Variants in B4GALT7 observed in about 807,000 individuals in gnomAD.
B4GALT7 encodes UDP-Gal:beta-GlcNAc beta-1,4-galactosyltransferase 7.
Under a neutral mutation model 33.0 loss-of-function variants are expected in B4GALT7, and 30 were observed. The ratio of observed to expected loss-of-function variants is 0.91; its 90% CI spans 0.68 to 1.23. The LOEUF (loss-of-function observed/expected upper bound fraction) is 1.23. Among genes scored for constraint, B4GALT7 ranks in the 50% most tolerant of loss-of-function variants. The pLI is 0.00. For synonymous variants in B4GALT7, 213 were observed against 187.2 expected (o/e 1.14, Z -1.13); for missense variants, 507 against 450.8 (o/e 1.12, Z -1.13).
rs182898185 is a variant in B4GALT7 at position 177,600,701 on chromosome 5, G to A, written c.50+441G>A. Among the ~76,000 whole-genome samples, 5 of 152,164 alleles carry A rather than the reference G, an allele frequency of 3.3e-5. No individual in the cohort carries two copies. The East Asian group carries it at 9.7e-4, about 29-fold the overall frequency. On this transcript the variant is annotated intron_variant, in intron 1 of 5. Transcript: ENST00000029410. This position sits in a 1 kb window ranked among gnomAD's most constrained non-coding sequence, Gnocchi z 4.4. ...CAATTTGTCTCTGATCCCTGAGGAC[G>A]TGTATTCCGTTTCTCTGGTCTCTGC...
chr5:177,608,962 A>G lies in B4GALT7; in HGVS notation c.776A>G (p.His259Arg). 6.2e-7 allele frequency: 1 copy of G among 1,613,704 alleles called. No individual in the cohort carries two copies. Among genetic ancestry groups the G allele is most frequent in the Non-Finnish European group, 8.5e-7 (1 of 1,180,002 alleles). The change falls in exon 5 of 6, where the codon CAT (histidine) becomes CGT (arginine). Residue 259 changes from histidine (H) to arginine (R), a missense_variant. Coordinates refer to ENST00000029410, the MANE Select transcript of B4GALT7 (RefSeq NM_007255.3). This position sits in a 1 kb window ranked among gnomAD's most constrained non-coding sequence, Gnocchi z 4.1. The stretch of plus-strand genomic sequence containing the variant: ...GGGTACAAGACATTTCGCCACCTGC[A>G]TGACCCAGCCTGGCGGAAGAGGGAC... ...TTGYKTFRHL[H>R]DPAWRKRDQK...
In B4GALT7 at chr5:177,606,867, G is replaced by A. The variant is rs1185178789; in HGVS notation, c.414-435G>A. ...GAGCCCTAGGCACCCACTGCCCTGT[G>A]GGTCATCTCTTCAGGCCTTCAGGTT... On this transcript the variant is annotated intron_variant, in intron 2 of 5. Coordinates refer to ENST00000029410, the MANE Select transcript of B4GALT7 (RefSeq NM_007255.3). This position sits in a 1 kb window ranked among gnomAD's most constrained non-coding sequence, Gnocchi z 4.2. 2.1e-5 allele frequency: 7 copies of A among 335,650 alleles called. No individual in the cohort carries two copies. The highest frequency in any genetic ancestry group is 4.1e-5 in the Non-Finnish European group (7 of 170,106). The allele number at this position is 335,650 out of a possible 1,614,324, so 20.8% of individuals were successfully genotyped here.
chr5:177,603,607 C>CGTCT (rs1767898024), intron 1 of B4GALT7, among the ~76,000 whole-genome samples: 1 of 152,150 alleles, frequency 6.6e-6, no homozygotes, highest in African/African-American at 2.4e-5. Context: ...TCGGGGGGCA[C>CGTCT]GTCTGATCTT....
At position 177,600,314 on chromosome 5, in the gene B4GALT7, C is replaced by A; in HGVS notation, c.50+54C>A. 7.9e-7 allele frequency: 1 copy of A among 1,267,848 alleles called. No individual in the cohort carries two copies. Among genetic ancestry groups the A allele is most frequent in the South Asian group, 2.3e-5 (1 of 44,296 alleles). The allele number at this position is 1,267,848 out of a possible 1,614,324, so 78.5% of individuals were successfully genotyped here. A position where few individuals can be genotyped will look rare whatever the true frequency, so the allele number is the denominator to read the frequency against. On this transcript the variant is annotated intron_variant, in intron 1 of 5. Coordinates refer to ENST00000029410, the MANE Select transcript of B4GALT7 (RefSeq NM_007255.3). This position sits in a 1 kb window ranked among gnomAD's most constrained non-coding sequence, Gnocchi z 4.4. ...GTCCTCCCGGGCGCCGCTCCCTTCT[C>A]GGCCGCCGGCGGAATCTGGGAACCC...
Position 177,600,302 on chromosome 5 carries a change from C to T in B4GALT7, c.50+42C>T. On this transcript the variant is annotated intron_variant, in intron 1 of 5. Coordinates refer to ENST00000029410, the MANE Select transcript of B4GALT7 (RefSeq NM_007255.3). This position sits in a 1 kb window ranked among gnomAD's most constrained non-coding sequence, Gnocchi z 4.4. The stretch of plus-strand genomic sequence containing the variant: ...GGCCCGGGCCCCGTCCTCCCGGGCG[C>T]CGCTCCCTTCTCGGCCGCCGGCGGA... The T allele has an allele frequency of 7.8e-7, 1 of 1,290,228 alleles. No individual in the cohort carries two copies. Among genetic ancestry groups the T allele is most frequent in the Non-Finnish European group, 9.9e-7 (1 of 1,014,700 alleles). 79.9% of individuals were successfully genotyped at this position (1,290,228 alleles called of 1,614,324 possible).
chr5:177,607,089 T>C, intron 2 of B4GALT7: 1 of 620,976 alleles, frequency 1.6e-6, no homozygotes, highest in Non-Finnish European at 2.9e-6. Flanking sequence ...GCCTGGTTTT[T>C]CACTGCTGTA....
intron 3 of B4GALT7, 127 bp downstream of exon 3, chr5:177,607,654 T>C (rs1768055348): frequency 2.1e-6 from 2 of 932,168 alleles, no homozygotes; most frequent in East Asian, 5.3e-5. Flanking sequence ...GCAGGAGAAC[T>C]TGGGAGCAGC....
chr5:177,607,066 C>T (rs1183526609), intron 2 of B4GALT7: 1 of 597,670 alleles, frequency 1.7e-6, no homozygotes, highest in Non-Finnish European at 3.0e-6. Flanking sequence ...AATCTCAGTT[C>T]CTTGAGAACA....
chr5:177,603,897 G>A (rs2127511214), intron 1 of B4GALT7, among the ~76,000 whole-genome samples: 1 of 152,306 alleles, frequency 6.6e-6, no homozygotes, highest in Non-Finnish European at 1.5e-5. Context: ...CTCAGTCACA[G>A]AAAGTAAGAG....
chr5:177,607,775 G>A (rs1581995622), intron 3 of B4GALT7: 4 of 571,274 alleles, frequency 7.0e-6, no homozygotes, highest in East Asian at 2.9e-5. Context: ...GTGTAGGGGC[G>A]GTTCAGGTGT....
Position 177,600,490 on chromosome 5 carries a change from C to T in B4GALT7, c.50+230C>T, listed in dbSNP as rs1016604688. Among the ~76,000 whole-genome samples, 2 of 151,580 alleles carry T rather than the reference C, an allele frequency of 1.3e-5. No individual in the cohort carries two copies. The highest frequency in any genetic ancestry group is 4.8e-5 in the African/African-American group (2 of 41,248). On this transcript the variant is annotated intron_variant, in intron 1 of 5. Coordinates refer to ENST00000029410, the MANE Select transcript of B4GALT7 (RefSeq NM_007255.3). The surrounding 1 kb of genome is among the most constrained non-coding windows in gnomAD (Gnocchi z 4.4). ...CTTTCCGCGGCACTCGTCCTTCCCC[C>T]AGCACCTTCCCCCCGGCCCGTGGGT...
At position 177,609,042 on chromosome 5, in the gene B4GALT7, A is replaced by G. The variant is rs6600953; in HGVS notation, c.828+28A>G. ...GCTGGCAGGGCTCCTCATTGGGGAC[A>G]GATAGGTGGTCATGTGGGGAGCCAG... On this transcript the variant is annotated intron_variant, in intron 5 of 5. Coordinates refer to ENST00000029410, the MANE Select transcript of B4GALT7 (RefSeq NM_007255.3). 1,585,454 of 1,588,048 alleles carry G rather than the reference A, an allele frequency of 1. 791,477 individuals are homozygous for G. The highest frequency in any genetic ancestry group is 1 in the East Asian group (44,733 of 44,734).
rs181530238 is a variant in B4GALT7, at chr5:177,607,079, G to T, written c.414-223G>T. 4.9e-6 allele frequency: 3 copies of T among 614,458 alleles called. No individual in the cohort carries two copies. In the Admixed American group the frequency reaches 7.5e-5, roughly 15 times the overall value. 38.1% of individuals were successfully genotyped at this position (614,458 alleles called of 1,614,324 possible). On this transcript the variant is annotated intron_variant, in intron 2 of 5. Transcript: ENST00000029410. ...GGAATCTCAGTTCCTTGAGAACAGG[G>T]CCTGGTTTTTCACTGCTGTACCTCC...
intron 1 of B4GALT7, chr5:177,601,573 A>G (rs574738320): frequency 3.9e-4 from 59 of 152,374 alleles, no homozygotes; most frequent in African/African-American, 1.4e-3. Context: ...ACTGATGTCA[A>G]TTCTGTGCTT....
At chr5:177,605,284 G>A (rs1424662086) in intron 2 of B4GALT7, 1 of 328,458 alleles carries the variant, frequency 3.0e-6, no homozygotes, top group African/African-American at 2.2e-5. Flanking sequence ...CCAGCTCTCT[G>A]CTCCACACCT....
In B4GALT7 at chr5:177,610,016, A is replaced by G; in HGVS notation, c.*321A>G. 2.4e-6 allele frequency: 1 copy of G among 421,634 alleles called. No individual in the cohort carries two copies. Among genetic ancestry groups the G allele is most frequent in the Non-Finnish European group, 4.5e-6 (1 of 223,190 alleles). The allele number at this position is 421,634 out of a possible 1,614,324, so 26.1% of individuals were successfully genotyped here. Reference sequence around the variant, plus strand: ...GCCTGTGGGTAGTGGGGAGGGCTGAACAGGACAACCTCTCATCACCCCCAC... The same window carrying G: ...GCCTGTGGGTAGTGGGGAGGGCTGAGCAGGACAACCTCTCATCACCCCCAC... On this transcript the variant is annotated 3_prime_UTR_variant, in exon 6 of 6. Transcript: ENST00000029410.
rs1356342912 is a variant in B4GALT7, at chr5:177,608,707, G to C, written c.723+85G>C. 7.4e-7 allele frequency: 1 copy of C among 1,358,536 alleles called. No homozygotes were observed. The highest frequency in any genetic ancestry group is 2.3e-5 in the East Asian group (1 of 42,634). 84.2% of individuals were successfully genotyped at this position (1,358,536 alleles called of 1,614,324 possible). ...CTGTTTCCTCAGATGAAGCTCCTGG[G>C]GTCTGGAGATGGCCCTGATTCTGAT... On this transcript the variant is annotated intron_variant, in intron 4 of 5. Transcript: ENST00000029410. The surrounding 1 kb of genome is among the most constrained non-coding windows in gnomAD (Gnocchi z 4.1).
intron 2 of B4GALT7, chr5:177,607,075 C>G (rs981847600): frequency 3.3e-6 from 2 of 608,924 alleles, no homozygotes; most frequent in Non-Finnish European, 5.9e-6. Context: ...TCCTTGAGAA[C>G]AGGGCCTGGT....
At position 177,607,480 on chromosome 5, in the gene B4GALT7, A is replaced by T. The variant is rs1768048937; in HGVS notation, c.592A>T (p.Thr198Ser). The change falls in exon 3 of 6, where the codon ACC becomes TCC. Residue 198 changes from threonine to serine, a missense_variant. Transcript: ENST00000029410. ...GCTCCACCCTCTCTACCACTACAAGACCTATGTCGGCGGCATCCTGCTGCT... is the reference window on the plus strand; with the variant it reads ...GCTCCACCCTCTCTACCACTACAAGTCCTATGTCGGCGGCATCCTGCTGCT... Reference protein sequence around the residue: ...PELHPLYHYKTYVGGILLLSK... With the variant: ...PELHPLYHYKSYVGGILLLSK... The T allele has an allele frequency of 2.5e-6, 4 of 1,613,258 alleles. No individual in the cohort carries two copies. The South Asian group carries it at 4.4e-5, about 18-fold the overall frequency.
Sources: allele counts gnomAD v4.1 joint callset (sites outside exome capture counted in the v4.1 genomes callset), GRCh38; gene constraint gnomAD v4.1.1; non-coding constraint Gnocchi (gnomAD v3.1); transcripts MANE v1.5; gene names NCBI Gene and HGNC (gene_info 2026-07-23, HGNC 2026-07-21).